The following STON2 variants were observed in gnomAD, a reference collection of about 807,000 sequenced individuals.
STON2 encodes the protein stonin 2.
In STON2, 29 loss-of-function variants were observed where a neutral mutation model predicts 65.7. The observed-to-expected ratio is 0.44, with a 90% CI of 0.33 to 0.60. The LOEUF is 0.60. Ranked by LOEUF, STON2 falls within the 20% of genes least tolerant of loss-of-function variation. The pLI is 0.03. For synonymous variants in STON2, 404 were observed against 414.2 expected, an observed-to-expected ratio of 0.98 and a Z score of 0.30; for missense variants, 1,054 against 1,118.1, an observed-to-expected ratio of 0.94 and a Z score of 0.82.
Position 81,267,339 on chromosome 14 carries a change from C to G in STON2, c.*1075G>C, listed in dbSNP as rs1168729164. Reference sequence around the variant, plus strand: ...CTAGAGATGCCTTTTCAATCCAATCCAATACTGTGATTATCAAACTCTGAA... The same window carrying G: ...CTAGAGATGCCTTTTCAATCCAATCGAATACTGTGATTATCAAACTCTGAA... On this transcript the variant is annotated 3_prime_UTR_variant, in exon 8 of 8. Transcript: ENST00000614646. The G allele has an allele frequency of 3.0e-6, 3 of 985,264 alleles. No individual in the cohort carries two copies. In the East Asian group the frequency reaches 3.4e-4, roughly 112 times the overall value. 61.0% of individuals were successfully genotyped at this position (985,264 alleles called of 1,614,324 possible).
intron 2 of STON2, among the ~76,000 whole-genome samples, chr14:81,405,381 T>C (rs1233993058): frequency 1.3e-5 from 2 of 152,016 alleles, no homozygotes; most frequent in East Asian, 1.9e-4. Flanking sequence ...TTTAGTTCTT[T>C]GAACATATTT....
At chr14:81,390,045 C>G (rs1273288008) in intron 3 of STON2, among the ~76,000 whole-genome samples, 5 of 151,186 alleles carry the variant, frequency 3.3e-5, no homozygotes, top group Non-Finnish European at 7.4e-5. Flanking sequence ...AAACCCATCT[C>G]TACTAAAAAT....
chr14:81,264,105 CTGTT>C lies in STON2; in HGVS notation c.*4305_*4308del. Reference sequence around the variant, plus strand: ...ATGGGCAAGGCTCAGGCTCATGGATCTGTTTGACTTGCAGGAACAAAGCAATCAA... The same window carrying C: ...ATGGGCAAGGCTCAGGCTCATGGATCTGACTTGCAGGAACAAAGCAATCAA... On this transcript the variant is annotated 3_prime_UTR_variant, in exon 8 of 8. Transcript: ENST00000614646. The C allele has an allele frequency of 1.0e-6, 1 of 985,432 alleles. No homozygotes were observed. The highest frequency in any genetic ancestry group is 1.7e-5 in the African/African-American group (1 of 57,350). 61.0% of individuals were successfully genotyped at this position (985,432 alleles called of 1,614,324 possible).
At chr14:81,405,772 G>A (rs556838201) in intron 2 of STON2, among the ~76,000 whole-genome samples, 37 of 152,040 alleles carry the variant, frequency 2.4e-4, no homozygotes, top group Middle Eastern at 3.2e-3. Flanking sequence ...GGGTATGATG[G>A]TTAATATTGA....
At chr14:81,347,066 C>A (rs376857073) in intron 4 of STON2, among the ~76,000 whole-genome samples, 54 of 151,626 alleles carry the variant, frequency 3.6e-4, no homozygotes, top group Non-Finnish European at 6.5e-4. Context: ...AAGATTAGAG[C>A]ATAGCTAAAC....
chr14:81,401,296 G>A (rs959558354), upstream of STON2, among the ~76,000 whole-genome samples: 3 of 152,054 alleles, frequency 2.0e-5, no homozygotes, highest in Non-Finnish European at 2.9e-5. Flanking sequence ...ACGTATGAAC[G>A]AAAAAAGAGC....
At chr14:81,436,195 A>C (rs937788886) in intron 1 of STON2, 2 of 151,610 alleles carry the variant, frequency 1.3e-5, no homozygotes, top group African/African-American at 2.4e-5. Context: ...GCCAGGGGGC[A>C]CAGCGGCGCT....
chr14:81,322,811 T>C (rs1896869500), intron 5 of STON2, among the ~76,000 whole-genome samples: 1 of 152,210 alleles, frequency 6.6e-6, no homozygotes, highest in East Asian at 1.9e-4. Context: ...TTAGGGCAAT[T>C]TGCTGCAGCT....
intron 5 of STON2, among the ~76,000 whole-genome samples, chr14:81,302,020 A>T (rs748043628): frequency 2.0e-5 from 3 of 152,134 alleles, no homozygotes; most frequent in Non-Finnish European, 2.9e-5. Context: ...ATAACATGAC[A>T]CTGTGCACTG....
At chr14:81,338,121 T>C (rs1897447209) in intron 4 of STON2, among the ~76,000 whole-genome samples, 2 of 152,150 alleles carry the variant, frequency 1.3e-5, no homozygotes, top group Non-Finnish European at 2.9e-5. Context: ...TCCCTTGGAA[T>C]TTCTTGGGTG....
At chr14:81,308,804 A>C (rs1356985776) in intron 5 of STON2, among the ~76,000 whole-genome samples, 2 of 15,862 alleles carry the variant, frequency 1.3e-4, no homozygotes, top group South Asian at 4.0e-3. Flanking sequence ...ATATATATAT[A>C]TATATATATA....
intron 4 of STON2, among the ~76,000 whole-genome samples, chr14:81,326,630 C>T (rs1252399724): frequency 2.6e-5 from 4 of 152,126 alleles, no homozygotes; most frequent in Admixed American, 6.6e-5. Flanking sequence ...AGGCATTACT[C>T]GTTTAACTAG....
In STON2 at chr14:81,289,283, G is replaced by T. The variant is rs1157199408; in HGVS notation, c.743-10544C>A. On this transcript the variant is annotated intron_variant, in intron 5 of 7. Transcript: ENST00000614646. Reference sequence around the variant, plus strand: ...ACCCTTGGGTGAGCAAGTAAGATCAGTTTCAGGCTTTGTAAGATGATTCTC... The same window carrying T: ...ACCCTTGGGTGAGCAAGTAAGATCATTTTCAGGCTTTGTAAGATGATTCTC... Among the ~76,000 whole-genome samples, 8 of 152,268 alleles carry T rather than the reference G, an allele frequency of 5.3e-5. No homozygotes were observed. In the East Asian group the frequency reaches 1.2e-3, roughly 22 times the overall value.
At chr14:81,271,710 G>A (rs1894600839) in intron 6 of STON2, among the ~76,000 whole-genome samples, 1 of 152,174 alleles carries the variant, frequency 6.6e-6, no homozygotes, top group Non-Finnish European at 1.5e-5. Context: ...AATTGTTATT[G>A]AGATTTTTGA....
chr14:81,435,006 A>T (rs1902361251), intron 1 of STON2, among the ~76,000 whole-genome samples: 1 of 152,076 alleles, frequency 6.6e-6, no homozygotes, highest in Non-Finnish European at 1.5e-5. Flanking sequence ...TTTTCGTTTA[A>T]GGGAGGAGTA....
rs563030942 is a variant in STON2 at position 81,297,892 on chromosome 14, G to A, written c.743-19153C>T. Among the ~76,000 whole-genome samples, 5 of 152,212 alleles carry A rather than the reference G, an allele frequency of 3.3e-5. No individual in the cohort carries two copies. The South Asian group carries it at 1.0e-3, about 32-fold the overall frequency. ...CATTTCTACTAAAAATACAAAATTA[G>A]ATGGGTTTGGGGCGCATGCCTGTAC... is the stretch of plus-strand genomic sequence containing the variant. On this transcript the variant is annotated intron_variant, in intron 5 of 7. Transcript: ENST00000614646.
rs758240960 is a variant in STON2 at position 81,278,258 on chromosome 14, C to A, written c.1224G>T (p.Thr408=). 1.2e-6 allele frequency: 2 copies of A among 1,614,096 alleles called. No individual in the cohort carries two copies. Among genetic ancestry groups the A allele is most frequent in the South Asian group, 2.2e-5 (2 of 91,086 alleles). Residue 408 remains threonine, a synonymous_variant, in exon 6 of 8, where the codon ACG becomes ACT. Transcript: ENST00000614646. ...RSQNSSISST[T]GKSQRDSLIV... is the part of the protein sequence containing the mutation. ...TGAGGGAATCTCTTTGGCTTTTGCC[C>A]GTGGTACTGGAAATGGAACTGTTTT...
intron 5 of STON2, among the ~76,000 whole-genome samples, chr14:81,286,601 AT>A (rs1895342771): frequency 6.6e-6 from 1 of 152,256 alleles, no homozygotes; most frequent in Non-Finnish European, 1.5e-5. Flanking sequence ...AAACAAAAAA[AT>A]ATGTGTGACT....
intron 2 of STON2, among the ~76,000 whole-genome samples, chr14:81,416,449 C>T (rs748434925): frequency 2.2e-4 from 34 of 152,134 alleles, no homozygotes; most frequent in Admixed American, 5.2e-4. Context: ...TGGCTCAATG[C>T]GAGGCATCAG....
Sources: allele counts gnomAD v4.1 joint callset (sites outside exome capture counted in the v4.1 genomes callset), GRCh38; gene constraint gnomAD v4.1.1; transcripts MANE v1.5; gene names NCBI Gene and HGNC (gene_info 2026-07-23, HGNC 2026-07-21).